SALL3: variants seen among roughly 807,000 people sequenced by gnomAD.
The protein encoded by SALL3 is sal-like protein 3.
In SALL3, 25 loss-of-function variants were observed where a neutral mutation model predicts 66.2. The ratio of observed to expected loss-of-function variants is 0.38; its 90% CI spans 0.28 to 0.53. The LOEUF is 0.53. SALL3 is among the 20% of genes least tolerant of loss of function. SALL3 has a pLI of 0.85. For synonymous variants in SALL3, 1,152 were observed against 899.1 expected (o/e 1.28, Z -5.03); for missense variants, 2,194 against 1,916.5 (o/e 1.14, Z -2.70).
Position 78,993,649 on chromosome 18 carries a change from C to A in SALL3, c.1658C>A (p.Pro553Gln). 1 of 1,588,946 alleles carries A rather than the reference C, an allele frequency of 6.3e-7. No homozygotes were observed. Residue 553 changes from proline to glutamine, a missense_variant, in exon 2 of 3, where the codon CCG becomes CAG. Pro to Gln is a moderately conservative substitution (Grantham distance 76). Transcript: ENST00000537592. ...AGCGCCACCCCAGCCAGCCGCTCCC[C>A]GCAGAGGCCCTCGCCCGCCTCCAGC... The part of the protein sequence containing the change: ...SPSATPASRS[P>Q]QRPSPASSEC...
rs1340143865 is a variant in SALL3 at position 78,980,093 on chromosome 18, C to T, written c.-182C>T. On this transcript the variant is annotated 5_prime_UTR_variant, in exon 1 of 3. Coordinates refer to ENST00000537592, the MANE Select transcript of SALL3 (RefSeq NM_171999.4). The stretch of plus-strand genomic sequence containing the variant: ...TCCGCTGGAGCCCGGCCAATCGGCG[C>T]GGCCCTCCGCTAATGGCCATGCATT... Among the ~76,000 whole-genome samples, 6 of 146,190 alleles carry T rather than the reference C, an allele frequency of 4.1e-5. No homozygotes were observed. The highest frequency in any genetic ancestry group is 7.6e-5 in the Non-Finnish European group (5 of 65,822).
intron 1 of SALL3, among the ~76,000 whole-genome samples, chr18:78,987,952 A>G (rs1476189968): frequency 6.6e-6 from 1 of 152,244 alleles, no homozygotes; most frequent in East Asian, 1.9e-4. Flanking sequence ...AATGTTTGCA[A>G]TGCTTGCTTT....
rs1420398701 is a variant in SALL3 at position 78,993,830 on chromosome 18, G to A, written c.1839G>A (p.Val613=). ...ACGCCAGGGCCGGGGACGCTCCCGT[G>A]GGCGCGCAGGCTAGCGCTGCACCCA... ...CTNARAGDAP[V]GAQASAAPTS... is the part of the protein sequence containing the mutation. The change falls in exon 2 of 3, where the codon GTG becomes GTA. Residue 613 remains valine (V), a synonymous_variant. Coordinates refer to ENST00000537592, the MANE Select transcript of SALL3 (RefSeq NM_171999.4). The A allele has an allele frequency of 1.4e-5, 21 of 1,553,174 alleles. No individual in the cohort carries two copies. Among genetic ancestry groups the A allele is most frequent in the Non-Finnish European group, 1.8e-5 (21 of 1,152,030 alleles).
rs780726307 is a variant in SALL3, at chr18:78,994,673, C to T, written c.2682C>T (p.Pro894=). Residue 894 remains proline (P), a synonymous_variant, in exon 2 of 3, where the codon CCC becomes CCT. Coordinates refer to ENST00000537592, the MANE Select transcript of SALL3 (RefSeq NM_171999.4). ...TGGAGAGCCGCAGCGCGGGCAGCCC[C>T]GCCCTGTCCGAGTCCTCGTCCTCGC... is the stretch of plus-strand genomic sequence containing the variant. ...GDLESRSAGS[P]ALSESSSSQA... 25 of 1,608,824 alleles carry T rather than the reference C, an allele frequency of 1.6e-5. No individual in the cohort carries two copies. Among genetic ancestry groups the T allele is most frequent in the Non-Finnish European group, 2.0e-5 (23 of 1,179,470 alleles).
At chr18:78,988,199 A>G (rs929218622) in intron 1 of SALL3, among the ~76,000 whole-genome samples, 9 of 152,244 alleles carry the variant, frequency 5.9e-5, no homozygotes, top group Admixed American at 2.6e-4. Flanking sequence ...TTTGAATCTG[A>G]CATAATACTG....
Position 78,994,979 on chromosome 18 carries a change from C to T in SALL3, c.2988C>T (p.Tyr996=), listed in dbSNP as rs1914633860. The T allele has an allele frequency of 1.2e-6, 2 of 1,613,794 alleles. No individual in the cohort carries two copies. Among genetic ancestry groups the T allele is most frequent in the African/African-American group, 1.3e-5 (1 of 75,060 alleles). The stretch of plus-strand genomic sequence containing the variant: ...GCAAGAGCGCGTTGGAAATCCACTA[C>T]CGCAGCCATACTAAGGAGCGGCCAT... ...FACKSALEIH[Y]RSHTKERPFV... is the part of the protein sequence containing the mutation. The change falls in exon 2 of 3, where the codon TAC becomes TAT. Residue 996 remains tyrosine, a synonymous_variant. Coordinates refer to ENST00000537592, the MANE Select transcript of SALL3 (RefSeq NM_171999.4).
In SALL3 at chr18:78,992,893, CCCCCGGCGG is replaced by C. The variant is rs1914506859; in HGVS notation, c.906_914del (p.Gly303_Pro305del). The C allele has an allele frequency of 3.5e-5, 34 of 985,156 alleles. No homozygotes were observed. The South Asian group carries it at 1.3e-3, about 36-fold the overall frequency. The allele number at this position is 985,156 out of a possible 1,614,324, so 61.0% of individuals were successfully genotyped here. A position where few individuals can be genotyped will look rare whatever the true frequency, so the allele number is the denominator to read the frequency against. On this transcript the variant is annotated inframe_deletion, in exon 2 of 3. Coordinates refer to ENST00000537592, the MANE Select transcript of SALL3 (RefSeq NM_171999.4). ...TCCCGGCCCGAGTCTGGCGCCAGCA[CCCCCGGCGG>C]CCCTGCGGAGCCCAGCGCGCCCGCC...
chr18:78,995,423 C>G lies in SALL3; in HGVS notation c.3432C>G (p.Thr1144=). The change falls in exon 2 of 3, where the codon ACC becomes ACG. Residue 1144 remains threonine (T), a synonymous_variant. Transcript: ENST00000537592. ...CCGGCGAGAAGCCGTTCGGCTGCAC[C>G]ATCTGCGGCCGGGCCTTCACCACTA... ...THTGEKPFGC[T]ICGRAFTTKG... 2 of 1,586,234 alleles carry G rather than the reference C, an allele frequency of 1.3e-6. No individual in the cohort carries two copies. The highest frequency in any genetic ancestry group is 1.7e-6 in the Non-Finnish European group (2 of 1,174,132).
In SALL3 at chr18:78,980,094, G is replaced by A. The variant is rs1380014894; in HGVS notation, c.-181G>A. 6.8e-6 allele frequency among the ~76,000 whole-genome samples: 1 copy of A among 146,178 alleles called. No homozygotes were observed. Among genetic ancestry groups the A allele is most frequent in the East Asian group, 2.0e-4 (1 of 5,012 alleles). ...CCGCTGGAGCCCGGCCAATCGGCGC[G>A]GCCCTCCGCTAATGGCCATGCATTA... On this transcript the variant is annotated 5_prime_UTR_variant, in exon 1 of 3. Transcript: ENST00000537592.
chr18:78,983,295 T>G (rs1019945779), intron 1 of SALL3, among the ~76,000 whole-genome samples: 1 of 152,190 alleles, frequency 6.6e-6, no homozygotes, highest in East Asian at 1.9e-4. Flanking sequence ...ATATTTTTGT[T>G]CTAAGAAAAA....
rs1169451848 is a variant in SALL3, at chr18:78,998,639, C to G, written c.*1317C>G. ...AGCGGGTCTGTCTCTCTCTCTCACC[C>G]ACAGACAAGATTGTGGCTGCCTGGT... On this transcript the variant is annotated 3_prime_UTR_variant, in exon 3 of 3. Transcript: ENST00000537592. 1 of 152,262 alleles carries G rather than the reference C, an allele frequency of 6.6e-6. No homozygotes were observed. Among genetic ancestry groups the G allele is most frequent in the African/African-American group, 2.4e-5 (1 of 41,454 alleles). The allele number at this position is 152,262 out of a possible 1,614,324, so 9.4% of individuals were successfully genotyped here.
chr18:78,982,282 A>C (rs1914097810), intron 1 of SALL3, among the ~76,000 whole-genome samples: 1 of 152,188 alleles, frequency 6.6e-6, no homozygotes, highest in Non-Finnish European at 1.5e-5. Context: ...ATTTATTTAG[A>C]GATGCAAAAT....
intron 1 of SALL3, 132 bp from the exon 2 acceptor site, chr18:78,991,942 C>T (rs776979658): frequency 3.3e-5 from 22 of 657,980 alleles, no homozygotes; most frequent in Non-Finnish European, 4.9e-5. Flanking sequence ...ATAGAATACG[C>T]ACGCTGGGAC....
chr18:78,993,825 C>G lies in SALL3; in HGVS notation c.1834C>G (p.Pro612Ala). The G allele has an allele frequency of 6.4e-7, 1 of 1,552,830 alleles. No homozygotes were observed. ...PCTNARAGDAPVGAQASAAPT... is the reference protein window; with the variant it reads ...PCTNARAGDAAVGAQASAAPT... ...CACCAACGCCAGGGCCGGGGACGCT[C>G]CCGTGGGCGCGCAGGCTAGCGCTGC... Residue 612 changes from proline (P) to alanine (A), a missense_variant, in exon 2 of 3, where the codon CCC becomes GCC. Coordinates refer to ENST00000537592, the MANE Select transcript of SALL3 (RefSeq NM_171999.4).
At position 78,994,915 on chromosome 18, in the gene SALL3, C is replaced by T. The variant is rs1331463183; in HGVS notation, c.2924C>T (p.Pro975Leu). Residue 975 changes from proline to leucine, a missense_variant, in exon 2 of 3, where the codon CCC becomes CTC. Physicochemically the swap from Pro to Leu is moderately conservative, Grantham distance 98. Transcript: ENST00000537592. ...CTGAGCAGGGAGCGGGGTAAGTGTCCCAGCACTGTGTGTGGTGTCTGTGGC... is the reference window on the plus strand; with the variant it reads ...CTGAGCAGGGAGCGGGGTAAGTGTCTCAGCACTGTGTGTGGTGTCTGTGGC... The part of the protein sequence containing the change: ...LFLSRERGKC[P>L]STVCGVCGKP... 5.0e-6 allele frequency: 8 copies of T among 1,613,354 alleles called. No homozygotes were observed. The highest frequency in any genetic ancestry group is 1.6e-4 in the Middle Eastern group (1 of 6,062).
chr18:78,986,666 T>C (rs1914256561), intron 1 of SALL3, among the ~76,000 whole-genome samples: 1 of 152,224 alleles, frequency 6.6e-6, no homozygotes, highest in Non-Finnish European at 1.5e-5. Context: ...AAAAAGTCCG[T>C]CTTCCTTTCC....
chr18:78,986,879 T>A (rs935056990), intron 1 of SALL3, among the ~76,000 whole-genome samples: 7 of 152,210 alleles, frequency 4.6e-5, no homozygotes, highest in Non-Finnish European at 1.0e-4. Flanking sequence ...ATTGGTTAGC[T>A]TACTTAAAAA....
Position 78,993,543 on chromosome 18 carries a change from G to A in SALL3, c.1552G>A (p.Val518Met), listed in dbSNP as rs746622657. The change falls in exon 2 of 3, where the codon GTG becomes ATG. Residue 518 changes from valine to methionine, a missense_variant. Val to Met is a conservative substitution (Grantham distance 21). Transcript: ENST00000537592. ...PVTTWLDSKP[V>M]LPTVPTSVGL... is the part of the protein sequence containing the mutation. Reference sequence around the variant, plus strand: ...GACCACCTGGCTGGACAGCAAGCCCGTGCTGCCCACCGTGCCCACGTCCGT... The same window carrying A: ...GACCACCTGGCTGGACAGCAAGCCCATGCTGCCCACCGTGCCCACGTCCGT... 32 of 1,594,820 alleles carry A rather than the reference G, an allele frequency of 2.0e-5. No individual in the cohort carries two copies. Among genetic ancestry groups the A allele is most frequent in the African/African-American group, 6.7e-5 (5 of 74,238 alleles).
chr18:78,980,617 C>T (rs997553723), intron 1 of SALL3, among the ~76,000 whole-genome samples: 1 of 151,704 alleles, frequency 6.6e-6, no homozygotes, highest in Non-Finnish European at 1.5e-5. Context: ...CGAAGGGCGC[C>T]GAGGCCGCGG....
Sources: allele counts gnomAD v4.1 joint callset (sites outside exome capture counted in the v4.1 genomes callset), GRCh38; gene constraint gnomAD v4.1.1; transcripts MANE v1.5; gene names NCBI Gene and HGNC (gene_info 2026-07-23, HGNC 2026-07-21).